Variants in NUP188 observed in about 807,000 individuals in gnomAD.
The protein encoded by NUP188 is nucleoporin NUP188.
In NUP188, 97 loss-of-function variants were observed where a neutral mutation model predicts 223.0. The observed-to-expected ratio is 0.43, with a 90% confidence interval of 0.37 to 0.51. The LOEUF (loss-of-function observed/expected upper bound fraction) is 0.51. NUP188 is among the 20% of genes least tolerant of loss of function. The probability of loss-of-function intolerance (pLI) is 0.00; values close to 1 mark genes in which losing one functional copy is unlikely to be tolerated. For missense variants in NUP188, 1,947 were observed against 2,175.6 expected (o/e 0.89, Z 2.09); for synonymous variants, 869 against 828.0 (o/e 1.05, Z -0.85).
intron 2 of NUP188, 36 bp from the exon 3 acceptor site, chr9:128,952,737 A>G (rs771973200): frequency 3.2e-6 from 5 of 1,558,204 alleles, no homozygotes; most frequent in East Asian, 2.3e-5. Flanking sequence ...AAAAAAAAAA[A>G]TACTGCATTT....
At chr9:128,989,886 A>G (rs1842390275) in intron 24 of NUP188, among the ~76,000 whole-genome samples, 2 of 152,188 alleles carry the variant, frequency 1.3e-5, no homozygotes, top group South Asian at 2.1e-4. Flanking sequence ...ATTTTATTCA[A>G]AATGTATCTT....
Position 129,003,001 on chromosome 9 carries a change from G to T in NUP188, c.4296+26G>T, listed in dbSNP as rs749267482. 1.2e-5 allele frequency: 20 copies of T among 1,611,424 alleles called. No homozygotes were observed. The African/African-American group carries it at 2.5e-4, about 20-fold the overall frequency. On this transcript the variant is annotated intron_variant, in intron 37 of 43. Transcript: ENST00000372577. ...GTGAGGGGCTGCCTGCATTGCAGGG[G>T]TGGGAGTTTCAGGGTAAAAAAGGTA...
intron 8 of NUP188, 63 bp downstream of exon 8, chr9:128,959,197 C>T (rs1021787908): frequency 8.6e-5 from 119 of 1,380,556 alleles, no homozygotes; most frequent in Admixed American, 1.3e-4. Context: ...CCTCTGTCAC[C>T]CAGGCTGGAG....
chr9:129,001,702 G>T lies in NUP188; in HGVS notation c.4017G>T (p.Leu1339=), dbSNP rs148787516. The T allele has an allele frequency of 8.1e-6, 13 of 1,613,642 alleles. No individual in the cohort carries two copies. Among genetic ancestry groups the T allele is most frequent in the Non-Finnish European group, 1.1e-5 (13 of 1,179,950 alleles). The change falls in exon 35 of 44, where the codon CTG becomes CTT. Residue 1339 remains leucine, a synonymous_variant. Transcript: ENST00000372577. ...ATTTCACTGAGGCCACATTGCATCTGCTCCTCACCCTGGCTCGCACTCAGC... is the reference window on the plus strand; with the variant it reads ...ATTTCACTGAGGCCACATTGCATCTTCTCCTCACCCTGGCTCGCACTCAGC... The part of the protein sequence containing the change: ...NLHFTEATLH[L]LLTLARTQQG...
In NUP188 at chr9:128,952,852, G is replaced by A; in HGVS notation, c.161+6G>A. The A allele has an allele frequency of 6.2e-7, 1 of 1,609,790 alleles. No homozygotes were observed. Among genetic ancestry groups the A allele is most frequent in the African/African-American group, 1.3e-5 (1 of 74,932 alleles). On this transcript the variant is annotated splice_donor_region_variant and intron_variant, in intron 3 of 43. Transcript: ENST00000372577. ...TCTTACTACAAACCTCCCAGGTATG[G>A]CAGTTCCGGGTGTCTGGTTAAAGTA...
In NUP188 at chr9:128,981,362, A is replaced by G; in HGVS notation, c.1488A>G (p.Arg496=). The G allele has an allele frequency of 6.2e-7, 1 of 1,613,978 alleles. No individual in the cohort carries two copies. Among genetic ancestry groups the G allele is most frequent in the Middle Eastern group, 1.6e-4 (1 of 6,062 alleles). Reference sequence around the variant, plus strand: ...ATGAAGATGGAACTCTTTGGCGGAGACAAACACCCAAACTCCTTTATCCCC... The same window carrying G: ...ATGAAGATGGAACTCTTTGGCGGAGGCAAACACCCAAACTCCTTTATCCCC... ...ISHEDGTLWR[R]QTPKLLYPLG... Residue 496 remains arginine (R), a synonymous_variant, in exon 15 of 44, where the codon AGA becomes AGG. Coordinates refer to ENST00000372577, the MANE Select transcript of NUP188 (RefSeq NM_015354.3).
At position 128,970,971 on chromosome 9, in the gene NUP188, C is replaced by G. The variant is rs1407121680; in HGVS notation, c.1113+13C>G. The G allele has an allele frequency of 1.9e-6, 3 of 1,607,754 alleles. No individual in the cohort carries two copies. Among genetic ancestry groups the G allele is most frequent in the Non-Finnish European group, 1.7e-6 (2 of 1,174,350 alleles). ...TGGGGGAAATGATGTGAGTTTAAGG[C>G]TCTGGGTGGTGAGCATGGGAGTGAG... On this transcript the variant is annotated intron_variant, in intron 11 of 43. Transcript: ENST00000372577.
At chr9:128,973,965 C>T (rs2131158342) in intron 12 of NUP188, among the ~76,000 whole-genome samples, 1 of 151,922 alleles carries the variant, frequency 6.6e-6, no homozygotes, top group South Asian at 2.1e-4. Context: ...GGCTAGAGTG[C>T]AGTGACGCGA....
At chr9:128,992,120 A>G (rs1345480204) in intron 25 of NUP188, among the ~76,000 whole-genome samples, 1 of 151,282 alleles carries the variant, frequency 6.6e-6, no homozygotes, top group Non-Finnish European at 1.5e-5. Flanking sequence ...CGTGGTCTCG[A>G]TTTCCTGACC....
At chr9:128,955,356 A>C (rs973028275) in intron 3 of NUP188, among the ~76,000 whole-genome samples, 24 of 151,616 alleles carry the variant, frequency 1.6e-4, no homozygotes, top group African/African-American at 5.3e-4. Flanking sequence ...CTTTTGGTGG[A>C]GATGAGGGTC....
intron 11 of NUP188, among the ~76,000 whole-genome samples, chr9:128,972,610 A>G (rs753746884): frequency 6.6e-6 from 1 of 152,238 alleles, no homozygotes; most frequent in Non-Finnish European, 1.5e-5. Flanking sequence ...TTTGGGTGAT[A>G]ATAATAATGC....
Position 129,005,304 on chromosome 9 carries a change from A to G in NUP188, c.4511A>G (p.Asn1504Ser), listed in dbSNP as rs751052823. The G allele has an allele frequency of 1.9e-6, 3 of 1,614,046 alleles. No individual in the cohort carries two copies. The highest frequency in any genetic ancestry group is 2.5e-6 in the Non-Finnish European group (3 of 1,179,912). ...SRKMLQHYLQ[N>S]KNGDGLPSAV... ...CCTTCATTTCTTGACTCTCCTTAGA[A>G]CAAAAATGGGGATGGCCTCCCCTCA... Residue 1504 changes from asparagine to serine, a missense_variant and splice_region_variant, in exon 40 of 44, where the codon AAC becomes AGC. This residue lies in a region of NUP188 where 905 missense variants were observed against 990.6 expected (regional missense o/e 0.91). Transcript: ENST00000372577.
At position 128,952,819 on chromosome 9, in the gene NUP188, A is replaced by G. The variant is rs1283413446; in HGVS notation, c.134A>G (p.Glu45Gly). ...AATAAACATTGGCGGCGATTGTTAGAGGGGCTTTCTTACTACAAACCTCCC... is the reference window on the plus strand; with the variant it reads ...AATAAACATTGGCGGCGATTGTTAGGGGGGCTTTCTTACTACAAACCTCCC... Reference protein sequence around the residue: ...ELNKHWRRLLEGLSYYKPPSP... With the variant: ...ELNKHWRRLLGGLSYYKPPSP... The change falls in exon 3 of 44, where the codon GAG becomes GGG. Residue 45 changes from glutamate to glycine, a missense_variant. Physicochemically the swap from Glu to Gly is moderately conservative, Grantham distance 98 (BLOSUM62 -2). Around this residue, in one of 3 missense-constraint regions of NUP188, gnomAD observed 817 missense variants for 865.8 expected, o/e 0.94. Transcript: ENST00000372577. 1 of 1,613,728 alleles carries G rather than the reference A, an allele frequency of 6.2e-7. No homozygotes were observed. Among genetic ancestry groups the G allele is most frequent in the Non-Finnish European group, 8.5e-7 (1 of 1,179,774 alleles).
At chr9:128,994,016 T>C (rs1442323821) in intron 27 of NUP188, among the ~76,000 whole-genome samples, 1 of 152,182 alleles carries the variant, frequency 6.6e-6, no homozygotes, top group Non-Finnish European at 1.5e-5. Context: ...GAATGAAACA[T>C]TCCGTTCTAT....
At chr9:128,962,274 A>G (rs1468745441) in intron 8 of NUP188, among the ~76,000 whole-genome samples, 253 of 128,308 alleles carry the variant, frequency 2.0e-3, no homozygotes, top group African/African-American at 7.6e-3. Flanking sequence ...TTTGAGACGG[A>G]GTCTCGCTCT....
intron 30 of NUP188, among the ~76,000 whole-genome samples, 188 bp downstream of exon 30, chr9:128,995,702 CA>C (rs1345247165): frequency 2.6e-5 from 4 of 152,132 alleles, no homozygotes; most frequent in African/African-American, 9.7e-5. Flanking sequence ...TCCAGGAGAC[CA>C]TTAAGAGGAA....
At chr9:128,952,904 A>G (rs1841814497) in intron 3 of NUP188, 58 bp downstream of exon 3, 1 of 1,310,608 alleles carries the variant, frequency 7.6e-7, no homozygotes, top group Admixed American at 1.7e-5. Context: ...TGACATGGAT[A>G]AAACCATCCT....
intron 11 of NUP188, among the ~76,000 whole-genome samples, chr9:128,971,375 T>C (rs1387853124): frequency 1.3e-5 from 2 of 152,152 alleles, no homozygotes; most frequent in Non-Finnish European, 2.9e-5. Context: ...TCTTGAGTCT[T>C]ATGTTGGGGT....
chr9:129,005,100 G>A, intron 38 of NUP188, 47 bp from the exon 39 acceptor site: 2 of 1,483,842 alleles, frequency 1.3e-6, no homozygotes, highest in South Asian at 1.1e-5. Context: ...TTGGGTGACT[G>A]GGCTGCTGAC....
Sources: allele counts gnomAD v4.1 joint callset (sites outside exome capture counted in the v4.1 genomes callset), GRCh38; gene constraint gnomAD v4.1.1; regional missense constraint gnomAD v4.1.1; transcripts MANE v1.5; gene names NCBI Gene and HGNC (gene_info 2026-07-23, HGNC 2026-07-21).